KIDINS220: variants seen among roughly 807,000 people sequenced by gnomAD.
The protein encoded by KIDINS220 is kinase D interacting substrate 220, also known as kinase D-interacting substrate of 220 kDa.
KIDINS220 carries 63 observed loss-of-function variants against 157.6 expected under a neutral mutation model. The observed-to-expected ratio is 0.40, with a 90% CI of 0.33 to 0.49. KIDINS220 has a LOEUF of 0.49. KIDINS220 is among the 20% of genes least tolerant of loss of function. The probability of loss-of-function intolerance (pLI) is 0.66; values close to 1 mark genes in which losing one functional copy is unlikely to be tolerated. For synonymous variants in KIDINS220, 732 were observed against 783.6 expected, an observed-to-expected ratio of 0.93 and a Z score of 1.10; for missense variants, 1,772 against 2,171.2, an observed-to-expected ratio of 0.82 and a Z score of 3.65.
intron 7 of KIDINS220, among the ~76,000 whole-genome samples, chr2:8,803,780 C>A (rs1372952891): frequency 6.6e-6 from 1 of 152,078 alleles, no homozygotes; most frequent in African/African-American, 2.4e-5. Flanking sequence ...GAGGCCAAGG[C>A]AGGAGGATCA....
downstream of KIDINS220, chr2:8,722,585 A>C (rs1395450281): frequency 6.6e-6 from 1 of 152,208 alleles, no homozygotes; most frequent in Non-Finnish European, 1.5e-5. Flanking sequence ...GAGAACCTAA[A>C]AAACAGATAG....
At chr2:8,747,843 T>C in intron 25 of KIDINS220, 44 bp downstream of exon 25, 1 of 1,255,852 alleles carries the variant, frequency 8.0e-7, no homozygotes, top group Non-Finnish European at 1.1e-6. Flanking sequence ...GCTATCTATG[T>C]TTATTATTAA....
At position 8,827,538 on chromosome 2, in the gene KIDINS220, A is replaced by C. The variant is rs537096711; in HGVS notation, c.-36-409T>G. ...TCTATTAGCAAATGCTTTTGGCTCT[A>C]CCTGTAAAATACATTTCACATCTGA... is the stretch of plus-strand genomic sequence containing the variant. On this transcript the variant is annotated intron_variant, in intron 1 of 29. Transcript: ENST00000256707. Among the ~76,000 whole-genome samples the C allele has an allele frequency of 1.1e-4, 16 of 152,274 alleles. No homozygotes were observed. In the South Asian group the frequency reaches 3.1e-3, roughly 30 times the overall value.
intron 26 of KIDINS220, among the ~76,000 whole-genome samples, chr2:8,744,363 CAAAAAAAA>C (rs547083543): frequency 0.015 from 135 of 9,192 alleles, no homozygotes; most frequent in Middle Eastern, 0.12. Context: ...TTCCTCATGG[CAAAAAAAA>C]AAAAAAAAAA....
At chr2:8,780,616 CAAT>C (rs1476495236) in intron 17 of KIDINS220, among the ~76,000 whole-genome samples, 4 of 150,990 alleles carry the variant, frequency 2.6e-5, no homozygotes, top group Admixed American at 2.6e-4. Flanking sequence ...TTAGTAACAA[CAAT>C]GATACAAGGG....
chr2:8,829,055 T>TG (rs1679235023), intron 1 of KIDINS220, among the ~76,000 whole-genome samples: 1 of 152,166 alleles, frequency 6.6e-6, no homozygotes, highest in South Asian at 2.1e-4. Context: ...AATCTATCTC[T>TG]GGGGGCCAGA....
intron 12 of KIDINS220, among the ~76,000 whole-genome samples, chr2:8,792,411 T>G (rs1673315679): frequency 6.6e-6 from 1 of 152,060 alleles, no homozygotes; most frequent in South Asian, 2.1e-4. Flanking sequence ...TTTTAAAATA[T>G]TAAAAACTAA....
At chr2:8,822,839 T>A (rs1035753321) in intron 2 of KIDINS220, among the ~76,000 whole-genome samples, 1 of 152,158 alleles carries the variant, frequency 6.6e-6, no homozygotes, top group Non-Finnish European at 1.5e-5. Flanking sequence ...AGATTTGCCA[T>A]CATTGAGAAT....
At chr2:8,817,582 T>C in intron 4 of KIDINS220, 36 bp downstream of exon 4, 1 of 1,130,204 alleles carries the variant, frequency 8.8e-7, no homozygotes, top group Non-Finnish European at 1.3e-6. Context: ...ATAAATAAGA[T>C]TTCAGCTAAT....
intron 12 of KIDINS220, among the ~76,000 whole-genome samples, chr2:8,793,345 A>T (rs1239050776): frequency 1.3e-5 from 2 of 152,166 alleles, no homozygotes; most frequent in African/African-American, 4.8e-5. Flanking sequence ...AAAGAAAAAA[A>T]ATCAGCTGGG....
chr2:8,818,898 G>A (rs1180597796), intron 2 of KIDINS220, 105 bp from the exon 3 acceptor site: 6 of 502,000 alleles, frequency 1.2e-5, no homozygotes, highest in Non-Finnish European at 2.1e-5. Flanking sequence ...GTTAAGCATT[G>A]TTTAGTTGTG....
intron 17 of KIDINS220, among the ~76,000 whole-genome samples, chr2:8,785,165 A>G (rs1672227872): frequency 6.6e-6 from 1 of 152,224 alleles, no homozygotes; most frequent in Admixed American, 6.5e-5. Flanking sequence ...AAGACTACAC[A>G]TGTATGATTC....
chr2:8,728,501 C>A (rs1305253975), downstream of KIDINS220, among the ~76,000 whole-genome samples: 2 of 152,218 alleles, frequency 1.3e-5, no homozygotes, highest in African/African-American at 4.8e-5. Flanking sequence ...GATACACACA[C>A]ACATAGACGC....
At chr2:8,726,738 T>G, downstream of KIDINS220, 1 of 389,392 alleles carries the variant, frequency 2.6e-6, no homozygotes, top group Non-Finnish European at 5.1e-6. Context: ...CACCATGCTA[T>G]CTGCATGTCT....
At chr2:8,781,153 A>ATATAAAATATATATAT (rs70946383) in intron 17 of KIDINS220, among the ~76,000 whole-genome samples, 1 of 130,394 alleles carries the variant, frequency 7.7e-6, no homozygotes, top group African/African-American at 2.8e-5. Context: ...ATATATATAT[A>ATATAAAATATATATAT]ATATATATAT....
At chr2:8,775,899 G>C (rs553736843) in intron 21 of KIDINS220, among the ~76,000 whole-genome samples, 2 of 152,200 alleles carry the variant, frequency 1.3e-5, no homozygotes, top group South Asian at 4.1e-4. Flanking sequence ...TCTCTACTAG[G>C]GCAGAGACTT....
downstream of KIDINS220, chr2:8,727,265 C>T (rs186318312): frequency 3.5e-5 from 37 of 1,065,272 alleles, no homozygotes; most frequent in Admixed American, 5.3e-4. Flanking sequence ...TGTCGGCGTG[C>T]GCCTGGAAGA....
Position 8,817,601 on chromosome 2 carries a change from T to C in KIDINS220, c.306+17A>G, listed in dbSNP as rs745946732. On this transcript the variant is annotated intron_variant, in intron 4 of 29. Transcript: ENST00000256707. ...ATAAGATTTCAGCTAATTAAGAACA[T>C]ATAAAAATGTCCATACCATATCACG... The C allele has an allele frequency of 6.3e-6, 9 of 1,422,406 alleles. No individual in the cohort carries two copies. Among genetic ancestry groups the C allele is most frequent in the South Asian group, 1.3e-5 (1 of 77,396 alleles). 88.1% of individuals were successfully genotyped at this position (1,422,406 alleles called of 1,614,324 possible).
chr2:8,805,270 T>C (rs1282215545), intron 7 of KIDINS220, among the ~76,000 whole-genome samples: 1 of 152,100 alleles, frequency 6.6e-6, no homozygotes, highest in Admixed American at 6.5e-5. Context: ...GTGGGCTTCA[T>C]TATGAAGGCA....
Sources: gnomAD v4.1 joint callset for allele counts (sites outside exome capture counted in the v4.1 genomes callset) on GRCh38, gnomAD v4.1.1 for gene constraint, MANE v1.5 for transcripts, NCBI Gene and HGNC (gene_info 2026-07-23, HGNC 2026-07-21) for gene names.